Variants in SNX27 observed in about 807,000 individuals in gnomAD.
SNX27 encodes the protein sorting nexin 27.
In SNX27, 22 loss-of-function variants were observed where a neutral mutation model predicts 71.6. The observed-to-expected ratio is 0.31, with a 90% CI of 0.22 to 0.44. The LOEUF is 0.44. Ranked by LOEUF, SNX27 falls within the 20% of genes least tolerant of loss-of-function variation. SNX27 has a pLI of 1.00. For missense variants in SNX27, 531 were observed against 698.6 expected (o/e 0.76, Z 2.70); for synonymous variants, 269 against 277.2 (o/e 0.97, Z 0.29).
intron 7 of SNX27, among the ~76,000 whole-genome samples, chr1:151,675,010 C>T (rs887911446): frequency 1.6e-4 from 24 of 152,050 alleles, no homozygotes; most frequent in African/African-American, 2.2e-4. Flanking sequence ...AATATGCTTT[C>T]GGTCAGTCCT....
Position 151,668,709 on chromosome 1 carries a change from C to T in SNX27, c.1149+74C>T, listed in dbSNP as rs563769492. 1.6e-5 allele frequency: 23 copies of T among 1,400,342 alleles called. No individual in the cohort carries two copies. In the South Asian group the frequency reaches 2.2e-4, roughly 14 times the overall value. 86.7% of individuals were successfully genotyped at this position (1,400,342 alleles called of 1,614,324 possible). On this transcript the variant is annotated intron_variant, in intron 7 of 11. Transcript: ENST00000458013. ...ATATAGTTGGTACTTTGCCAATTCC[C>T]TGTAAATCCTTAGACAGGCTGCTTT...
intron 1 of SNX27, among the ~76,000 whole-genome samples, chr1:151,621,254 T>C (rs1667662172): frequency 6.6e-6 from 1 of 152,202 alleles, no homozygotes; most frequent in Admixed American, 6.5e-5. Context: ...AGGTAGTATG[T>C]GTGTAGTCTC....
At chr1:151,659,673 T>G (rs562935582) in intron 3 of SNX27, 4 of 152,416 alleles carry the variant, frequency 2.6e-5, no homozygotes, top group African/African-American at 7.2e-5. Context: ...GAAATTTACT[T>G]GTTATCTCAG....
At chr1:151,630,959 G>C (rs1571777695) in intron 1 of SNX27, among the ~76,000 whole-genome samples, 1 of 152,212 alleles carries the variant, frequency 6.6e-6, no homozygotes, top group South Asian at 2.1e-4. Context: ...GTGAACCCGG[G>C]AGGCGGAGCT....
At chr1:151,693,809 C>A in intron 11 of SNX27, 11 of 1,446,294 alleles carry the variant, frequency 7.6e-6, no homozygotes, top group Non-Finnish European at 9.9e-6. Flanking sequence ...TCCTGACCCA[C>A]AGGGGAAGCT....
At chr1:151,632,846 AATTTTT>A (rs1668302895) in intron 1 of SNX27, among the ~76,000 whole-genome samples, 1 of 151,682 alleles carries the variant, frequency 6.6e-6, no homozygotes, top group African/African-American at 2.4e-5. Flanking sequence ...ATTATATAAT[AATTTTT>A]ATTTTTATTT....
chr1:151,663,085 TAA>T (rs1670032986), intron 5 of SNX27, among the ~76,000 whole-genome samples: 1 of 152,044 alleles, frequency 6.6e-6, no homozygotes, highest in Non-Finnish European at 1.5e-5. Context: ...TCCAATTGTC[TAA>T]AAATGATTTT....
chr1:151,650,228 A>G (rs1669261304), intron 2 of SNX27, among the ~76,000 whole-genome samples: 2 of 151,996 alleles, frequency 1.3e-5, no homozygotes, highest in African/African-American at 2.4e-5. Flanking sequence ...GGGTCTTGCT[A>G]TGTTCCCCAG....
intron 6 of SNX27, 45 bp downstream of exon 6, chr1:151,666,056 G>T: frequency 1.4e-6 from 2 of 1,465,310 alleles, no homozygotes; most frequent in Non-Finnish European, 1.9e-6. Flanking sequence ...CTAATACTAT[G>T]AGAAAGAAAC....
rs539029902 is a variant in SNX27 at position 151,624,766 on chromosome 1, A to T, written c.311+12254A>T. The stretch of plus-strand genomic sequence containing the variant: ...ATATTTTTATATTTATTTTTTAAAT[A>T]TCTTAAATCCTTAGCCTTATTATAC... On this transcript the variant is annotated intron_variant, in intron 1 of 11. Transcript: ENST00000458013. 3.3e-5 allele frequency among the ~76,000 whole-genome samples: 5 copies of T among 152,226 alleles called. No individual in the cohort carries two copies. In the South Asian group the frequency reaches 1.0e-3, roughly 32 times the overall value.
At chr1:151,623,994 C>G (rs1033441932) in intron 1 of SNX27, among the ~76,000 whole-genome samples, 3 of 152,130 alleles carry the variant, frequency 2.0e-5, no homozygotes, top group Admixed American at 6.5e-5. Context: ...CAAGGTATCA[C>G]TCTTTCACCC....
intron 8 of SNX27, among the ~76,000 whole-genome samples, chr1:151,690,190 C>T (rs560424300): frequency 5.3e-5 from 8 of 152,270 alleles, no homozygotes; most frequent in Non-Finnish European, 1.2e-4. Context: ...AAGAAAAATA[C>T]AATTAATCCC....
intron 5 of SNX27, among the ~76,000 whole-genome samples, chr1:151,663,167 T>C (rs78032669): frequency 2.6e-5 from 4 of 151,950 alleles, no homozygotes; most frequent in African/African-American, 9.7e-5. Flanking sequence ...TTTTTTTTTT[T>C]TGAGACGGAG....
At chr1:151,643,304 ATTTATTTT>A (rs1668868626) in intron 2 of SNX27, among the ~76,000 whole-genome samples, 1 of 111,858 alleles carries the variant, frequency 8.9e-6, no homozygotes, top group Non-Finnish European at 2.2e-5. Context: ...TTATTTATTT[ATTTATTTT>A]GAGACGGAGT....
intron 1 of SNX27, among the ~76,000 whole-genome samples, chr1:151,623,440 T>C (rs1571762316): frequency 6.6e-6 from 1 of 151,842 alleles, no homozygotes; most frequent in Non-Finnish European, 1.5e-5. Context: ...GCGCCCAGTA[T>C]TTTTTAATAG....
chr1:151,663,375 C>A (rs533676508), intron 5 of SNX27, among the ~76,000 whole-genome samples: 1 of 152,094 alleles, frequency 6.6e-6, no homozygotes, highest in African/African-American at 2.4e-5. Context: ...TGGTCTGAAT[C>A]TCCTGACCTC....
intron 7 of SNX27, among the ~76,000 whole-genome samples, chr1:151,682,094 C>G (rs1167552188): frequency 6.6e-6 from 1 of 152,178 alleles, no homozygotes; most frequent in Non-Finnish European, 1.5e-5. Flanking sequence ...TCAGTGCTCT[C>G]TAATTGTTTA....
At position 151,695,696 on chromosome 1, in the gene SNX27, A is replaced by T. The variant is rs2102750217; in HGVS notation, c.*1279A>T. ...TGTCTCAGCCTCCCAAAGTGCTGGG[A>T]TTACAGGCATGAGCCACTGTGTCCT... is the stretch of plus-strand genomic sequence containing the variant. On this transcript the variant is annotated 3_prime_UTR_variant, in exon 12 of 12. Coordinates refer to ENST00000458013, the MANE Select transcript of SNX27 (RefSeq NM_001330723.2). 1 of 152,442 alleles carries T rather than the reference A, an allele frequency of 6.6e-6. No homozygotes were observed. Among genetic ancestry groups the T allele is most frequent in the South Asian group, 2.1e-4 (1 of 4,838 alleles). 9.4% of individuals were successfully genotyped at this position (152,442 alleles called of 1,614,324 possible). A position where few individuals can be genotyped will look rare whatever the true frequency, so the allele number is the denominator to read the frequency against.
At chr1:151,689,525 GATCT>G (rs1389934928) in intron 8 of SNX27, among the ~76,000 whole-genome samples, 1 of 152,192 alleles carries the variant, frequency 6.6e-6, no homozygotes, top group Non-Finnish European at 1.5e-5. Context: ...CTTTTTAAAA[GATCT>G]ATTATAGTAA....
Sources: allele counts gnomAD v4.1 joint callset (sites outside exome capture counted in the v4.1 genomes callset), GRCh38; gene constraint gnomAD v4.1.1; transcripts MANE v1.5; gene names NCBI Gene and HGNC (gene_info 2026-07-23, HGNC 2026-07-21).